CAPN2: variants seen among roughly 807,000 people sequenced by gnomAD.
CAPN2 encodes the protein calpain-2 catalytic subunit.
A neutral mutation model predicts 102.3 loss-of-function variants in CAPN2; 92 were observed. That is an observed-to-expected ratio of 0.90 (90% CI 0.76 to 1.07). The LOEUF (loss-of-function observed/expected upper bound fraction) is 1.07, where lower values mean the gene tolerates loss of function less well. Among genes scored for constraint, CAPN2 ranks in the 50% least tolerant of loss-of-function variants. The probability of loss-of-function intolerance (pLI) is 0.00; values close to 1 mark genes in which losing one functional copy is unlikely to be tolerated. For synonymous variants in CAPN2, 340 were observed against 355.4 expected, an observed-to-expected ratio of 0.96 and a Z score of 0.49; for missense variants, 800 against 909.4, an observed-to-expected ratio of 0.88 and a Z score of 1.55.
At chr1:223,701,830 T>G (rs1245286692) in exon 1 of CAPN2, 4 of 150,082 alleles carry the variant, frequency 2.7e-5, no homozygotes, top group Non-Finnish European at 5.9e-5. Flanking sequence ...CTGGCCAACA[T>G]GGTGAGTCAA....
In CAPN2 at chr1:223,755,337, C is replaced by G. The variant is rs1224227658; in HGVS notation, c.1136-143C>G. 2.7e-6 allele frequency: 2 copies of G among 741,016 alleles called. No homozygotes were observed. Among genetic ancestry groups the G allele is most frequent in the Non-Finnish European group, 2.2e-6 (1 of 445,140 alleles). The allele number at this position is 741,016 out of a possible 1,614,324, so 45.9% of individuals were successfully genotyped here. A position where few individuals can be genotyped will look rare whatever the true frequency, so the allele number is the denominator to read the frequency against. ...TGCCATCTCCCACCATCCCCCACCA[C>G]CTCTTACCATCTCCCACCACCTCCC... is the stretch of plus-strand genomic sequence containing the variant. On this transcript the variant is annotated intron_variant, in intron 9 of 20. Coordinates refer to ENST00000295006, the MANE Select transcript of CAPN2 (RefSeq NM_001748.5). The surrounding 1 kb of genome is among the most constrained non-coding windows in gnomAD (Gnocchi z 4.1).
intron 1 of CAPN2, among the ~76,000 whole-genome samples, chr1:223,703,490 G>A (rs750816021): frequency 1.3e-4 from 20 of 152,198 alleles, no homozygotes; most frequent in Non-Finnish European, 2.5e-4. Flanking sequence ...ACACAGTAGA[G>A]GTACTGGGCT....
chr1:223,741,307 A>C (rs1660604152), intron 2 of CAPN2, among the ~76,000 whole-genome samples: 1 of 151,778 alleles, frequency 6.6e-6, no homozygotes, highest in Non-Finnish European at 1.5e-5. Flanking sequence ...GTAGGATTTC[A>C]AATGCTTCCC....
upstream of CAPN2, among the ~76,000 whole-genome samples, chr1:223,709,175 G>C (rs564776833): frequency 6.6e-6 from 1 of 152,214 alleles, no homozygotes; most frequent in South Asian, 2.1e-4. Context: ...TTCAGGCTTG[G>C]GGGCAAGCAG....
At chr1:223,762,326 CTTTAGTTTAAAGGGGAGAGGAA>C in intron 14 of CAPN2, 75 bp downstream of exon 14, 1 of 1,221,392 alleles carries the variant, frequency 8.2e-7, no homozygotes, top group Non-Finnish European at 1.2e-6. Flanking sequence ...CCCAAGGGGA[CTTTAGTTTAAAGGGGAGAGGAA>C]ACAAACTGAA....
rs1661578008 is a variant in CAPN2 at position 223,775,018 on chromosome 1, C to T, written c.*161C>T. Reference sequence around the variant, plus strand: ...TAATGATACTGTCAATTTGAGATAGCAGAAGTTTCACACATCAAAGTAAAA... The same window carrying T: ...TAATGATACTGTCAATTTGAGATAGTAGAAGTTTCACACATCAAAGTAAAA... On this transcript the variant is annotated 3_prime_UTR_variant, in exon 21 of 21. Transcript: ENST00000295006. The T allele has an allele frequency of 4.6e-6, 3 of 656,092 alleles. No homozygotes were observed. The highest frequency in any genetic ancestry group is 8.0e-6 in the Non-Finnish European group (3 of 375,456). 40.6% of individuals were successfully genotyped at this position (656,092 alleles called of 1,614,324 possible).
intron 12 of CAPN2, among the ~76,000 whole-genome samples, chr1:223,760,531 T>A (rs1457495921): frequency 6.6e-6 from 1 of 152,222 alleles, no homozygotes; most frequent in Non-Finnish European, 1.5e-5. Flanking sequence ...CTTCATTTGC[T>A]AAAGCCTACC....
chr1:223,740,263 G>A (rs1196316431), intron 2 of CAPN2, among the ~76,000 whole-genome samples: 2 of 152,110 alleles, frequency 1.3e-5, no homozygotes, highest in African/African-American at 4.8e-5. Flanking sequence ...CTTGTTCCCT[G>A]GTGCCGTAAA....
intron 1 of CAPN2, among the ~76,000 whole-genome samples, chr1:223,705,240 T>G (rs1019021588): frequency 6.6e-6 from 1 of 152,140 alleles, no homozygotes; most frequent in Non-Finnish European, 1.5e-5. Context: ...GAGCCAAATG[T>G]CTCCTATGGT....
intron 6 of CAPN2, among the ~76,000 whole-genome samples, chr1:223,750,439 T>G (rs1571806195): frequency 1.3e-5 from 2 of 152,312 alleles, no homozygotes; most frequent in East Asian, 3.9e-4. Context: ...AAGTCTATAC[T>G]AACATTTTCC....
chr1:223,741,469 T>TATATATATATATATA (rs1660615299), intron 2 of CAPN2, among the ~76,000 whole-genome samples: 2 of 136,506 alleles, frequency 1.5e-5, no homozygotes, highest in African/African-American at 5.4e-5. Context: ...TATATATATA[T>TATATATATATATATA]TTGAGAGGGA....
chr1:223,738,239 C>A (rs990822711), intron 2 of CAPN2, among the ~76,000 whole-genome samples: 4 of 152,040 alleles, frequency 2.6e-5, no homozygotes, highest in Admixed American at 2.0e-4. Context: ...CTCACTGCAG[C>A]CTTGACCTCC....
chr1:223,703,044 C>T (rs1035553760), intron 1 of CAPN2, among the ~76,000 whole-genome samples: 2 of 152,174 alleles, frequency 1.3e-5, no homozygotes, highest in South Asian at 2.1e-4. Flanking sequence ...CACTGCACTT[C>T]GCAGGGTGCT....
Position 223,759,355 on chromosome 1 carries a change from T to C in CAPN2, c.1403T>C (p.Leu468Pro), listed in dbSNP as rs1661127368. The change falls in exon 12 of 21, where the codon CTC (leucine) becomes CCC (proline). Residue 468 changes from leucine (L) to proline (P), a missense_variant. Leu to Pro is a moderately conservative substitution (Grantham distance 98). Transcript: ENST00000295006. This position sits in a 1 kb window ranked among gnomAD's most constrained non-coding sequence, Gnocchi z 4.6. The stretch of plus-strand genomic sequence containing the variant: ...GAGCGCTCAGACACCTTCATCAACC[T>C]CCGGGAGGTGCTCAACCGCTTCAAG... ...ARERSDTFINLREVLNRFKLP... is the reference protein window; with the variant it reads ...ARERSDTFINPREVLNRFKLP... 1 of 1,614,066 alleles carries C rather than the reference T, an allele frequency of 6.2e-7. No individual in the cohort carries two copies. The highest frequency in any genetic ancestry group is 8.5e-7 in the Non-Finnish European group (1 of 1,180,038).
In CAPN2 at chr1:223,745,350, G is replaced by A. The variant is rs372898901; in HGVS notation, c.471G>A (p.Arg157=). ...GEWVEVVVDD[R]LPTKDGELLF... is the part of the protein sequence containing the mutation. ...GGGTGGAGGTGGTGGTGGATGACAG[G>A]CTGCCCACCAAGGACGGGGAGCTGC... is the stretch of plus-strand genomic sequence containing the variant. The change falls in exon 4 of 21, where the codon AGG becomes AGA. Residue 157 remains arginine (R), a synonymous_variant. Transcript: ENST00000295006. The A allele has an allele frequency of 3.2e-5, 51 of 1,614,080 alleles. No homozygotes were observed. The highest frequency in any genetic ancestry group is 4.1e-5 in the Non-Finnish European group (48 of 1,180,040).
At chr1:223,747,799 G>A (rs1415220355) in intron 5 of CAPN2, among the ~76,000 whole-genome samples, 3 of 152,292 alleles carry the variant, frequency 2.0e-5, no homozygotes, top group East Asian at 3.9e-4. Context: ...GGGGAGGTCA[G>A]AGAGATCTTG....
chr1:223,744,356 G>T, intron 3 of CAPN2, 138 bp downstream of exon 3: 1 of 649,184 alleles, frequency 1.5e-6, no homozygotes, highest in Non-Finnish European at 2.8e-6. Flanking sequence ...GACATTGGGC[G>T]AGAGCAGGAA....
rs181224851 is a variant in CAPN2, at chr1:223,707,456, T to C, written c.3+5625T>C. On this transcript the variant is annotated intron_variant, in intron 1 of 20. Coordinates refer to the CAPN2 transcript ENST00000433674. ...GTCCTTGTGTTCCCGTGAAAAGGAT[T>C]GTGTGGTCAGAGAAAGAGAAGACTT... Among the ~76,000 whole-genome samples, 226 of 152,268 alleles carry C rather than the reference T, an allele frequency of 1.5e-3. 2 individuals carry two copies. The highest frequency in any genetic ancestry group is 6.8e-3 in the Middle Eastern group (2 of 294).
At chr1:223,729,069 C>A (rs753961072) in intron 2 of CAPN2, among the ~76,000 whole-genome samples, 40 of 152,192 alleles carry the variant, frequency 2.6e-4, no homozygotes, top group Non-Finnish European at 5.1e-4. Context: ...TTCTTCTATT[C>A]CCCCATTACT....
Sources: gnomAD v4.1 joint callset for allele counts (sites outside exome capture counted in the v4.1 genomes callset) on GRCh38, gnomAD v4.1.1 for gene constraint, Gnocchi (gnomAD v3.1) non-coding constraint, MANE v1.5 for transcripts, NCBI Gene and HGNC (gene_info 2026-07-23, HGNC 2026-07-21) for gene names.